Variants in ARHGAP32 observed in about 807,000 individuals in gnomAD.
The protein encoded by ARHGAP32 is Rho GTPase activating protein 32.
In ARHGAP32, 51 loss-of-function variants were observed where a neutral mutation model predicts 186.5. The ratio of observed to expected loss-of-function variants is 0.27; its 90% CI spans 0.22 to 0.35. ARHGAP32 has a LOEUF of 0.35. ARHGAP32 is among the 10% of genes least tolerant of loss of function. ARHGAP32 has a pLI of 1.00. For synonymous variants in ARHGAP32, 950 were observed against 964.3 expected (o/e 0.99, Z 0.27); for missense variants, 2,186 against 2,623.5 (o/e 0.83, Z 3.64).
At chr11:129,137,247 A>G (rs553275989) in intron 2 of ARHGAP32, among the ~76,000 whole-genome samples, 1 of 151,980 alleles carries the variant, frequency 6.6e-6, no homozygotes, top group Non-Finnish European at 1.5e-5. Context: ...ATGGGAAGAT[A>G]AACTAAAAAC....
At position 128,981,945 on chromosome 11, in the gene ARHGAP32, A is replaced by C; in HGVS notation, c.1527-9T>G. On this transcript the variant is annotated splice_polypyrimidine_tract_variant and intron_variant, in intron 15 of 22. Coordinates refer to ENST00000682385, the MANE Select transcript of ARHGAP32 (RefSeq NM_001378024.1). ...TCAGGAACTCCAGTGTTCTGGAAAT[A>C]AAATACAACATATTAACAGAAAGAA... is the stretch of plus-strand genomic sequence containing the variant. The C allele has an allele frequency of 6.7e-7, 1 of 1,503,510 alleles. No homozygotes were observed. The highest frequency in any genetic ancestry group is 9.2e-7 in the Non-Finnish European group (1 of 1,084,840). 93.1% of individuals were successfully genotyped at this position (1,503,510 alleles called of 1,614,324 possible). A position where few individuals can be genotyped will look rare whatever the true frequency, so the allele number is the denominator to read the frequency against.
At chr11:128,989,316 A>G (rs1341004549) in intron 12 of ARHGAP32, among the ~76,000 whole-genome samples, 3 of 152,112 alleles carry the variant, frequency 2.0e-5, no homozygotes, top group African/African-American at 7.2e-5. Context: ...CAGGCTAAGT[A>G]CTTTACAATG....
Position 128,965,090 on chromosome 11 carries a change from A to AT in ARHGAP32, c.*3816dup, listed in dbSNP as rs1403726873. On this transcript the variant is annotated 3_prime_UTR_variant, in exon 23 of 23. Coordinates refer to ENST00000682385, the MANE Select transcript of ARHGAP32 (RefSeq NM_001378024.1). ...TTTAACCTGAAATAATTCTGTTGAT[A>AT]TTTGAATCACTTTCAGTGGGACATT... The AT allele has an allele frequency of 6.6e-6, 1 of 152,154 alleles. No individual in the cohort carries two copies. The highest frequency in any genetic ancestry group is 1.5e-5 in the Non-Finnish European group (1 of 68,030). The allele number at this position is 152,154 out of a possible 1,614,324, so 9.4% of individuals were successfully genotyped here.
intron 19 of ARHGAP32, among the ~76,000 whole-genome samples, chr11:128,976,991 A>G (rs1195857172): frequency 6.6e-6 from 1 of 152,192 alleles, no homozygotes; most frequent in South Asian, 2.1e-4. Context: ...TGGGCCCTAC[A>G]CCCAATGACT....
rs1211242466 is a variant in ARHGAP32 at position 129,005,199 on chromosome 11, CTATTTA to C, written c.1046-6737_1046-6732del. Reference sequence around the variant, plus strand: ...CTCTGTTTTTAACTTTTTGTTGTTTCTATTTATATCTTATACTGTCTACATCTTGAA... The same window carrying C: ...CTCTGTTTTTAACTTTTTGTTGTTTCTATCTTATACTGTCTACATCTTGAA... On this transcript the variant is annotated intron_variant, in intron 11 of 22. Coordinates refer to ENST00000682385, the MANE Select transcript of ARHGAP32 (RefSeq NM_001378024.1). Among the ~76,000 whole-genome samples the C allele has an allele frequency of 3.9e-5, 6 of 152,158 alleles. No homozygotes were observed. The East Asian group carries it at 7.7e-4, about 20-fold the overall frequency.
Position 128,971,014 on chromosome 11 carries a change from A to T in ARHGAP32, c.4199T>A (p.Val1400Glu). The T allele has an allele frequency of 1.2e-6, 2 of 1,613,890 alleles. No individual in the cohort carries two copies. Among genetic ancestry groups the T allele is most frequent in the Non-Finnish European group, 1.7e-6 (2 of 1,180,028 alleles). The change falls in exon 23 of 23, where the codon GTG becomes GAG. Residue 1400 changes from valine to glutamate, a missense_variant. Val to Glu is a moderately radical substitution (Grantham distance 121). Coordinates refer to ENST00000682385, the MANE Select transcript of ARHGAP32 (RefSeq NM_001378024.1). ...TAVQPGLPEKVRDGARVPLLH... is the reference protein window; with the variant it reads ...TAVQPGLPEKERDGARVPLLH... The stretch of plus-strand genomic sequence containing the variant: ...CAGCGGGACCCGGGCACCGTCCCGC[A>T]CTTTCTCAGGCAGGCCTGGCTGGAC...
chr11:129,095,001 A>T (rs1451906727), intron 5 of ARHGAP32, among the ~76,000 whole-genome samples: 1 of 152,242 alleles, frequency 6.6e-6, no homozygotes, highest in Non-Finnish European at 1.5e-5. Context: ...TATATGAAGT[A>T]CAAGGTTGAT....
In ARHGAP32 at chr11:129,124,879, C is replaced by G. The variant is rs757558474; in HGVS notation, c.241G>C (p.Val81Leu). 63 of 1,609,354 alleles carry G rather than the reference C, an allele frequency of 3.9e-5. No homozygotes were observed. Among genetic ancestry groups the G allele is most frequent in the Non-Finnish European group, 5.0e-5 (59 of 1,178,016 alleles). Residue 81 changes from valine to leucine, a missense_variant, in exon 3 of 23, where the codon GTT becomes CTT. Coordinates refer to ENST00000682385, the MANE Select transcript of ARHGAP32 (RefSeq NM_001378024.1). Reference sequence around the variant, plus strand: ...GTAAGATCTCCAGGAATCTCTGGAACATCTGCGCCTCTTGCCTTAAAAAAT... The same window carrying G: ...GTAAGATCTCCAGGAATCTCTGGAAGATCTGCGCCTCTTGCCTTAAAAAAT... ...TLSAMARGAD[V>L]PEIPGDLTLK...
chr11:129,003,465 C>T (rs76093681), intron 11 of ARHGAP32, among the ~76,000 whole-genome samples: 1,774 of 152,210 alleles, frequency 0.012, 32 homozygotes, highest in African/African-American at 0.04. Flanking sequence ...ACTTGTTCTT[C>T]TTTGATTAAA....
intron 1 of ARHGAP32, among the ~76,000 whole-genome samples, chr11:129,257,591 T>C (rs532883108): frequency 6.6e-6 from 1 of 151,620 alleles, no homozygotes; most frequent in Non-Finnish European, 1.5e-5. Context: ...CTGGGCAACA[T>C]AACAAAACTT....
rs550750078 is a variant in ARHGAP32, at chr11:129,061,831, T to C, written c.963+449A>G. 4.6e-5 allele frequency among the ~76,000 whole-genome samples: 7 copies of C among 152,340 alleles called. No individual in the cohort carries two copies. In the South Asian group the frequency reaches 1.2e-3, roughly 27 times the overall value. ...ACCGTAGATAAGGGACTACTGAATA[T>C]AGAAAAAGAAATGAGATTGCTTTAG... is the stretch of plus-strand genomic sequence containing the variant. On this transcript the variant is annotated intron_variant, in intron 10 of 22. Transcript: ENST00000682385.
chr11:129,273,850 T>A (rs968974911), intron 1 of ARHGAP32, among the ~76,000 whole-genome samples: 2 of 152,116 alleles, frequency 1.3e-5, no homozygotes, highest in East Asian at 3.9e-4. Context: ...TCTCCTAGAG[T>A]ATGATGCTTA....
intron 1 of ARHGAP32, among the ~76,000 whole-genome samples, chr11:129,271,250 G>A (rs1565486293): frequency 5.3e-5 from 8 of 151,992 alleles, no homozygotes; most frequent in African/African-American, 1.9e-4. Flanking sequence ...AGACGACAAA[G>A]CCTACTAGCC....
At position 129,040,998 on chromosome 11, in the gene ARHGAP32, G is replaced by T; in HGVS notation, c.975C>A (p.Phe325Leu). 6.3e-7 allele frequency: 1 copy of T among 1,596,686 alleles called. No individual in the cohort carries two copies. The highest frequency in any genetic ancestry group is 1.3e-5 in the African/African-American group (1 of 74,814). ...RGKHGFQVGLFPGHCVELINQ... is the reference protein window; with the variant it reads ...RGKHGFQVGLLPGHCVELINQ... ...TAATTAACTCAACACAGTGTCCAGGGAAGAGTCCCACCTGATGAAAAGCAA... is the reference window on the plus strand; with the variant it reads ...TAATTAACTCAACACAGTGTCCAGGTAAGAGTCCCACCTGATGAAAAGCAA... Residue 325 changes from phenylalanine (F) to leucine (L), a missense_variant, in exon 11 of 23, where the codon TTC becomes TTA. Phe to Leu is a conservative substitution (Grantham distance 22, BLOSUM62 0). Transcript: ENST00000682385.
At chr11:129,094,662 A>G (rs1326098969) in intron 5 of ARHGAP32, among the ~76,000 whole-genome samples, 2 of 152,206 alleles carry the variant, frequency 1.3e-5, no homozygotes, top group Non-Finnish European at 2.9e-5. Flanking sequence ...GCCAGTATCT[A>G]GGCTGAGTAT....
chr11:129,023,590 G>A (rs1938696252), intron 11 of ARHGAP32, among the ~76,000 whole-genome samples: 1 of 152,074 alleles, frequency 6.6e-6, no homozygotes, highest in Admixed American at 6.5e-5. Context: ...ATTGGAAATA[G>A]GAGAAAAAAA....
rs202151524 is a variant in ARHGAP32 at position 129,124,764 on chromosome 11, T to G, written c.317+39A>C. The stretch of plus-strand genomic sequence containing the variant: ...GAATTGAAGAACTGATTTCCATTCG[T>G]AGGAATTCATTTAGAATCCACTGTA... On this transcript the variant is annotated intron_variant, in intron 3 of 22. Transcript: ENST00000682385. 576 of 1,431,132 alleles carry G rather than the reference T, an allele frequency of 4.0e-4. No individual in the cohort carries two copies. The African/African-American group carries it at 7.8e-3, about 19-fold the overall frequency. The allele number at this position is 1,431,132 out of a possible 1,614,324, so 88.7% of individuals were successfully genotyped here.
At chr11:129,279,560 G>A (rs1054605998), upstream of ARHGAP32, among the ~76,000 whole-genome samples, 1 of 145,208 alleles carries the variant, frequency 6.9e-6, no homozygotes, top group Non-Finnish European at 1.5e-5. Flanking sequence ...GCCGGAGCCC[G>A]CCGCCCGCCC....
chr11:129,230,811 CA>C (rs1944849016), intron 1 of ARHGAP32, among the ~76,000 whole-genome samples: 1 of 151,866 alleles, frequency 6.6e-6, no homozygotes. Context: ...AAAAAGAGCC[CA>C]AAATTTAATA....
Sources: allele counts gnomAD v4.1 joint callset (sites outside exome capture counted in the v4.1 genomes callset), GRCh38; gene constraint gnomAD v4.1.1; transcripts MANE v1.5; gene names NCBI Gene and HGNC (gene_info 2026-07-23, HGNC 2026-07-21).